The following RGS7 variants were observed in gnomAD, a reference collection of about 807,000 sequenced individuals.
RGS7 encodes regulator of G protein signaling 7, also known as regulator of G-protein signaling 7.
A neutral mutation model predicts 81.1 loss-of-function variants in RGS7; 27 were observed. The ratio of observed to expected loss-of-function variants is 0.33; its 90% CI spans 0.25 to 0.46. The LOEUF (loss-of-function observed/expected upper bound fraction) is 0.46, where lower values mean the gene tolerates loss of function less well. Ranked by LOEUF, RGS7 falls within the 20% of genes least tolerant of loss-of-function variation. The pLI is 1.00. For synonymous variants in RGS7, 208 were observed against 207.7 expected, an observed-to-expected ratio of 1.00 and a Z score of -0.01; for missense variants, 396 against 607.4, an observed-to-expected ratio of 0.65 and a Z score of 3.66.
At chr1:241,190,868 G>A (rs2147782807) in intron 2 of RGS7, among the ~76,000 whole-genome samples, 1 of 152,006 alleles carries the variant, frequency 6.6e-6, no homozygotes, top group South Asian at 2.1e-4. Context: ...GGTGGAACCT[G>A]TTTCTAATTG....
chr1:241,130,931 A>C (rs2067041544), intron 2 of RGS7, among the ~76,000 whole-genome samples: 1 of 151,592 alleles, frequency 6.6e-6, no homozygotes, highest in Non-Finnish European at 1.5e-5. Context: ...TAATTACAAA[A>C]AAAAAAAAAA....
At chr1:241,026,199 G>A (rs528358319) in intron 3 of RGS7, among the ~76,000 whole-genome samples, 53 of 152,306 alleles carry the variant, frequency 3.5e-4, no homozygotes, top group African/African-American at 1.3e-3. Flanking sequence ...GTCTAGTGGT[G>A]TGCCTCACAC....
chr1:241,008,965 G>C (rs537322521), intron 3 of RGS7, among the ~76,000 whole-genome samples: 2 of 139,850 alleles, frequency 1.4e-5, no homozygotes, highest in East Asian at 4.3e-4. Context: ...TCAGTCATAA[G>C]ACAGACAGCT....
chr1:241,187,619 A>C (rs2072247448), intron 2 of RGS7, among the ~76,000 whole-genome samples: 2 of 152,222 alleles, frequency 1.3e-5, no homozygotes, highest in Non-Finnish European at 2.9e-5. Context: ...AGCTCAATAA[A>C]GGTGGAATGC....
chr1:240,793,611 A>ATATATT, intron 18 of RGS7, among the ~76,000 whole-genome samples: 35 of 78,808 alleles, frequency 4.4e-4, no homozygotes, highest in African/African-American at 2.7e-3. Flanking sequence ...ATATATATAT[A>ATATATT]TTTTTTTTTT....
intron 2 of RGS7, among the ~76,000 whole-genome samples, chr1:241,102,350 C>G (rs1411502496): frequency 1.3e-5 from 2 of 152,226 alleles, no homozygotes; most frequent in Non-Finnish European, 1.5e-5. Context: ...CCCAGGGAAA[C>G]CCTGGAAGCT....
intron 2 of RGS7, among the ~76,000 whole-genome samples, chr1:241,350,544 C>T (rs1439698919): frequency 6.6e-6 from 1 of 151,974 alleles, no homozygotes; most frequent in Non-Finnish European, 1.5e-5. Context: ...TCTTGTTGTC[C>T]CTTGTATATA....
intron 2 of RGS7, among the ~76,000 whole-genome samples, chr1:241,157,821 C>CTTTTTTTTTTTT (rs67249227): frequency 2.1e-5 from 2 of 94,714 alleles, no homozygotes; most frequent in African/African-American, 3.5e-5. Context: ...CTTTTCTTTT[C>CTTTTTTTTTTTT]TTTTTTTTTT....
intron 4 of RGS7, among the ~76,000 whole-genome samples, chr1:240,955,060 A>G (rs1440798293): frequency 1.3e-5 from 2 of 152,210 alleles, no homozygotes; most frequent in African/African-American, 2.4e-5. Context: ...GAAAAACTAC[A>G]TAACACTAAT....
At chr1:241,352,765 G>T (rs1206606594) in intron 2 of RGS7, among the ~76,000 whole-genome samples, 1 of 152,224 alleles carries the variant, frequency 6.6e-6, no homozygotes, top group Non-Finnish European at 1.5e-5. Flanking sequence ...GAATCTTTCT[G>T]TGATTTGGAG....
chr1:240,904,609 T>C lies in RGS7; in HGVS notation c.385+26108A>G, dbSNP rs1182722363. Among the ~76,000 whole-genome samples the C allele has an allele frequency of 2.6e-5, 4 of 152,224 alleles. No individual in the cohort carries two copies. The East Asian group carries it at 7.7e-4, about 29-fold the overall frequency. On this transcript the variant is annotated intron_variant, in intron 6 of 18. Transcript: ENST00000440928. ...GAAATCTAAATTTTAGAAAACCTGC[T>C]TTAAAAGAGTACTTGTTCTCTATTT...
Position 240,806,251 on chromosome 1 carries a change from T to C in RGS7, c.1158A>G (p.Gln386=). ...TGGGGGCTCCGGGAGCCAGAAACTC[T>C]TGCCATATTTCCTGAACTCTTGAGG... ...EVPSRVQEIW[Q]EFLAPGAPSA... is the part of the protein sequence containing the mutation. Residue 386 remains glutamine (Q), a synonymous_variant, in exon 15 of 19, where the codon CAA becomes CAG. Coordinates refer to ENST00000440928, the MANE Select transcript of RGS7 (RefSeq NM_001364886.1). The C allele has an allele frequency of 6.2e-7, 1 of 1,614,078 alleles. No homozygotes were observed. The highest frequency in any genetic ancestry group is 8.5e-7 in the Non-Finnish European group (1 of 1,179,974).
intron 6 of RGS7, among the ~76,000 whole-genome samples, chr1:240,904,986 G>T (rs1263620406): frequency 1.3e-5 from 2 of 151,470 alleles, no homozygotes; most frequent in Admixed American, 1.3e-4. Context: ...GCCAGTTCAG[G>T]GTACAAAAAA....
At chr1:241,207,071 C>A (rs1243569383) in intron 2 of RGS7, among the ~76,000 whole-genome samples, 1 of 147,802 alleles carries the variant, frequency 6.8e-6, no homozygotes, top group African/African-American at 2.5e-5. Context: ...CGGGTTCACG[C>A]CATTCTCCTG....
intron 2 of RGS7, among the ~76,000 whole-genome samples, chr1:241,109,487 T>C (rs1403713598): frequency 6.6e-6 from 1 of 152,152 alleles, no homozygotes; most frequent in Non-Finnish European, 1.5e-5. Flanking sequence ...AACATAAATA[T>C]CATTCTCTTT....
intron 4 of RGS7, among the ~76,000 whole-genome samples, chr1:240,947,757 G>A (rs531995957): frequency 1.6e-4 from 24 of 152,236 alleles, no homozygotes; most frequent in Non-Finnish European, 4.4e-5. Flanking sequence ...TCGCTCCTGT[G>A]CAAGCCCTCA....
In RGS7 at chr1:241,057,164, G is replaced by A. The variant is rs144603052; in HGVS notation, c.175+41502C>T. ...TTGATAATTTTATATTATGTATGTC[G>A]TATGAGTATGGCTTTCCCTGAATTT... On this transcript the variant is annotated intron_variant, in intron 3 of 18. Transcript: ENST00000440928. Among the ~76,000 whole-genome samples the A allele has an allele frequency of 1.4e-4, 21 of 151,856 alleles. No homozygotes were observed. In the East Asian group the frequency reaches 1.9e-3, roughly 14 times the overall value.
chr1:241,035,202 A>G (rs1386597645), intron 3 of RGS7, among the ~76,000 whole-genome samples: 1 of 152,204 alleles, frequency 6.6e-6, no homozygotes. Flanking sequence ...TACAGGGATC[A>G]GAAAGTCTGA....
At chr1:240,834,968 A>C (rs903700066) in intron 9 of RGS7, among the ~76,000 whole-genome samples, 1 of 151,882 alleles carries the variant, frequency 6.6e-6, no homozygotes, top group Non-Finnish European at 1.5e-5. Context: ...ACTCAAAATG[A>C]ATCATAAACC....
Sources: allele counts gnomAD v4.1 joint callset (sites outside exome capture counted in the v4.1 genomes callset), GRCh38; gene constraint gnomAD v4.1.1; transcripts MANE v1.5; gene names NCBI Gene and HGNC (gene_info 2026-07-23, HGNC 2026-07-21).